Variants in LRRTM4 observed in about 807,000 individuals in gnomAD.
The protein encoded by LRRTM4 is leucine-rich repeat transmembrane neuronal protein 4.
In LRRTM4, 25 loss-of-function variants were observed where a neutral mutation model predicts 47.6. The ratio of observed to expected loss-of-function variants is 0.53; its 90% confidence interval spans 0.38 to 0.73. The LOEUF (loss-of-function observed/expected upper bound fraction) is 0.73, where lower values mean the gene tolerates loss of function less well. Ranked by LOEUF, LRRTM4 falls within the 30% of genes least tolerant of loss-of-function variation. The pLI is 0.00. For missense variants in LRRTM4, 638 were observed against 713.4 expected (o/e 0.89, Z 1.20); for synonymous variants, 311 against 269.5 (o/e 1.15, Z -1.51).
chr2:77,004,664 T>C (rs1338752231), intron 3 of LRRTM4, among the ~76,000 whole-genome samples: 2 of 152,084 alleles, frequency 1.3e-5, no homozygotes, highest in East Asian at 3.9e-4. Flanking sequence ...GGGGCCACCG[T>C]CCTCCAGACC....
At chr2:77,078,851 T>A (rs1190527446) in intron 3 of LRRTM4, among the ~76,000 whole-genome samples, 1 of 152,196 alleles carries the variant, frequency 6.6e-6, no homozygotes, top group African/African-American at 2.4e-5. Flanking sequence ...TATAAATGTA[T>A]TCCTCACAGT....
chr2:77,490,198 C>T (rs1252500577), intron 3 of LRRTM4, among the ~76,000 whole-genome samples: 9 of 151,600 alleles, frequency 5.9e-5, no homozygotes, highest in East Asian at 1.9e-4. Context: ...TGCAGTGAGC[C>T]GAGACCGCAC....
Position 76,869,509 on chromosome 2 carries a change from G to C in LRRTM4, c.1552-120593C>G, listed in dbSNP as rs1471500745. Among the ~76,000 whole-genome samples, 4 of 152,068 alleles carry C rather than the reference G, an allele frequency of 2.6e-5. No homozygotes were observed. In the South Asian group the frequency reaches 8.3e-4, roughly 31 times the overall value. On this transcript the variant is annotated intron_variant, in intron 3 of 3. Transcript: ENST00000409884. ...TGGGACATTGTTTGGCTTATTCTGAGGCTGATTTGAAAAATGAATGGAAGG... is the reference window on the plus strand; with the variant it reads ...TGGGACATTGTTTGGCTTATTCTGACGCTGATTTGAAAAATGAATGGAAGG...
intron 3 of LRRTM4, among the ~76,000 whole-genome samples, chr2:76,783,549 C>T (rs1674509733): frequency 6.6e-6 from 1 of 152,136 alleles, no homozygotes; most frequent in African/African-American, 2.4e-5. Context: ...CGTATTCTCC[C>T]TCCCTGGCCC....
chr2:76,823,024 T>C (rs1335721188), intron 3 of LRRTM4, among the ~76,000 whole-genome samples: 2 of 151,474 alleles, frequency 1.3e-5, no homozygotes, highest in Non-Finnish European at 3.0e-5. Context: ...TAATGCATTA[T>C]GTCCAAAAAC....
chr2:76,797,465 G>A (rs928094197), intron 3 of LRRTM4, among the ~76,000 whole-genome samples: 1 of 151,890 alleles, frequency 6.6e-6, no homozygotes, highest in Admixed American at 6.6e-5. Flanking sequence ...CCTGAAGAAA[G>A]CACTAAACAT....
chr2:77,154,346 C>T (rs931111423), intron 3 of LRRTM4, among the ~76,000 whole-genome samples: 1 of 152,082 alleles, frequency 6.6e-6, no homozygotes, highest in Non-Finnish European at 1.5e-5. Context: ...TAAAATGCAG[C>T]TGAGTAATAG....
intron 3 of LRRTM4, among the ~76,000 whole-genome samples, chr2:77,086,791 G>C (rs1337072003): frequency 6.6e-6 from 1 of 151,976 alleles, no homozygotes; most frequent in African/African-American, 2.4e-5. Context: ...CACTGAGCCC[G>C]GCCTATATGT....
intron 3 of LRRTM4, among the ~76,000 whole-genome samples, chr2:77,084,774 T>C (rs1218959851): frequency 6.6e-6 from 1 of 152,218 alleles, no homozygotes; most frequent in Non-Finnish European, 1.5e-5. Flanking sequence ...TTACAGACTG[T>C]ACACAGGGCT....
intron 3 of LRRTM4, among the ~76,000 whole-genome samples, chr2:76,767,234 T>TA (rs1558639216): frequency 6.6e-6 from 1 of 152,228 alleles, no homozygotes; most frequent in Non-Finnish European, 1.5e-5. Flanking sequence ...CAGCAATTTA[T>TA]ATGGACGTTT....
chr2:77,256,979 G>T (rs1206290735), intron 3 of LRRTM4, among the ~76,000 whole-genome samples: 2 of 152,054 alleles, frequency 1.3e-5, no homozygotes, highest in African/African-American at 4.8e-5. Context: ...TGCAATGCTG[G>T]ATCAATATTT....
At chr2:76,814,089 T>G (rs993357550) in intron 3 of LRRTM4, among the ~76,000 whole-genome samples, 1 of 152,152 alleles carries the variant, frequency 6.6e-6, no homozygotes, top group East Asian at 1.9e-4. Flanking sequence ...CAAGTATTTT[T>G]CAACATGCCC....
intron 3 of LRRTM4, among the ~76,000 whole-genome samples, chr2:77,177,939 G>C (rs1015977004): frequency 2.2e-4 from 34 of 152,126 alleles, no homozygotes; most frequent in African/African-American, 7.7e-4. Flanking sequence ...TCCTTTTGGG[G>C]AACTTTTATT....
At chr2:77,140,699 T>C (rs964295912) in intron 3 of LRRTM4, among the ~76,000 whole-genome samples, 11 of 152,074 alleles carry the variant, frequency 7.2e-5, no homozygotes, top group Non-Finnish European at 1.6e-4. Flanking sequence ...ACCTACAGAA[T>C]GGGAGAAAAT....
intron 3 of LRRTM4, among the ~76,000 whole-genome samples, chr2:77,028,772 A>G (rs1277596594): frequency 6.6e-6 from 1 of 151,870 alleles, no homozygotes; most frequent in Non-Finnish European, 1.5e-5. Context: ...GCGGTGGCTC[A>G]CTCCTGTAAT....
chr2:77,203,946 A>G (rs1573073159), intron 3 of LRRTM4, among the ~76,000 whole-genome samples: 3 of 152,194 alleles, frequency 2.0e-5, no homozygotes, highest in African/African-American at 7.2e-5. Flanking sequence ...GTCACAGAGT[A>G]AGTCGCTATA....
At chr2:76,902,364 C>T (rs1373494007) in intron 3 of LRRTM4, among the ~76,000 whole-genome samples, 2 of 152,078 alleles carry the variant, frequency 1.3e-5, no homozygotes, top group African/African-American at 4.8e-5. Flanking sequence ...AAATAATTAG[C>T]CAGCCCCTAT....
intron 3 of LRRTM4, among the ~76,000 whole-genome samples, chr2:76,991,799 C>T (rs1475625862): frequency 6.6e-6 from 1 of 151,502 alleles, no homozygotes; most frequent in African/African-American, 2.4e-5. Context: ...TCCAGCATTA[C>T]CTTGATAATA....
At chr2:77,299,736 T>A (rs1307699101) in intron 3 of LRRTM4, among the ~76,000 whole-genome samples, 1 of 151,778 alleles carries the variant, frequency 6.6e-6, no homozygotes, top group Admixed American at 6.6e-5. Flanking sequence ...TTATCCATCA[T>A]AAGTTATTGA....
Sources: allele counts gnomAD v4.1 joint callset (sites outside exome capture counted in the v4.1 genomes callset), GRCh38; gene constraint gnomAD v4.1.1; transcripts MANE v1.5; gene names NCBI Gene and HGNC (gene_info 2026-07-23, HGNC 2026-07-21).